The following SLC26A7 variants were observed in gnomAD, a reference collection of about 807,000 sequenced individuals.
The protein encoded by SLC26A7 is anion exchange transporter.
A neutral mutation model predicts 82.5 loss-of-function variants in SLC26A7; 59 were observed. The observed-to-expected ratio is 0.72, with a 90% CI of 0.58 to 0.89. The LOEUF (loss-of-function observed/expected upper bound fraction) is 0.89. SLC26A7 is among the 40% of genes least tolerant of loss of function. SLC26A7 has a pLI of 0.00. For synonymous variants in SLC26A7, 271 were observed against 274.3 expected (o/e 0.99, Z 0.12); for missense variants, 820 against 793.0 (o/e 1.03, Z -0.41).
In SLC26A7 at chr8:91,334,437, A is replaced by T; in HGVS notation, c.785A>T (p.Asp262Val). ...AAAATTAAAGTTGTTCTTCCTGTAG[A>T]TTTAGTTTTGGTAAGTATAAAATCA... ...KRKIKVVLPV[D>V]LVLIIAASFA... is the part of the protein sequence containing the mutation. Residue 262 changes from aspartate (D) to valine (V), a missense_variant, in exon 6 of 19, where the codon GAT (aspartate) becomes GTT (valine). By Grantham distance (152) the Asp-to-Val change is radical. Coordinates refer to ENST00000276609, the MANE Select transcript of SLC26A7 (RefSeq NM_052832.4). 1 of 1,611,276 alleles carries T rather than the reference A, an allele frequency of 6.2e-7. No individual in the cohort carries two copies. The highest frequency in any genetic ancestry group is 8.5e-7 in the Non-Finnish European group (1 of 1,178,986).
At chr8:91,342,853 G>C (rs1416367077) in intron 8 of SLC26A7, among the ~76,000 whole-genome samples, 1 of 152,168 alleles carries the variant, frequency 6.6e-6, no homozygotes, top group Non-Finnish European at 1.5e-5. Context: ...GGTTAGATGG[G>C]AAAGAACCAC....
chr8:91,394,957 G>T, intron 18 of SLC26A7, 105 bp from the exon 19 acceptor site: 1 of 1,324,416 alleles, frequency 7.6e-7, no homozygotes, highest in Non-Finnish European at 1.1e-6. Context: ...CATTTTCTTT[G>T]GCTTAGCTGG....
At chr8:91,361,699 T>C (rs1413957842) in intron 11 of SLC26A7, among the ~76,000 whole-genome samples, 1 of 152,132 alleles carries the variant, frequency 6.6e-6, no homozygotes, top group African/African-American at 2.4e-5. Context: ...TGCAATAACT[T>C]TGGTATTCCA....
intron 2 of SLC26A7, among the ~76,000 whole-genome samples, chr8:91,277,843 T>A (rs903032584): frequency 9.8e-5 from 12 of 122,712 alleles, no homozygotes; most frequent in African/African-American, 3.9e-4. Context: ...AAATAAACAA[T>A]GCTATCTTAG....
intron 4 of SLC26A7, among the ~76,000 whole-genome samples, chr8:91,310,577 A>G (rs1172137133): frequency 1.3e-5 from 2 of 152,136 alleles, no homozygotes. Flanking sequence ...CAGCTTCCCA[A>G]TAAGATCTCA....
At chr8:91,303,429 A>G (rs1485676036) in intron 4 of SLC26A7, among the ~76,000 whole-genome samples, 9 of 152,310 alleles carry the variant, frequency 5.9e-5, no homozygotes, top group East Asian at 1.9e-4. Flanking sequence ...GATTTCTGCC[A>G]TGGGGAAATC....
chr8:91,316,053 A>T (rs1812621572), intron 4 of SLC26A7, among the ~76,000 whole-genome samples: 1 of 152,190 alleles, frequency 6.6e-6, no homozygotes, highest in Non-Finnish European at 1.5e-5. Context: ...TGAGCCCATG[A>T]AAATCCACTG....
chr8:91,389,569 C>T (rs533591742), intron 16 of SLC26A7, 131 bp downstream of exon 16: 288 of 710,906 alleles, frequency 4.1e-4, no homozygotes, highest in Non-Finnish European at 6.4e-4. Context: ...TTACAAAGGA[C>T]GTAGAACTTT....
At chr8:91,324,352 T>C (rs150481565) in intron 5 of SLC26A7, among the ~76,000 whole-genome samples, 42 of 152,350 alleles carry the variant, frequency 2.8e-4, no homozygotes, top group African/African-American at 9.6e-4. Flanking sequence ...AATTTAGATC[T>C]GCTTGGAGGT....
intron 4 of SLC26A7, among the ~76,000 whole-genome samples, chr8:91,300,466 C>G (rs191167220): frequency 6.6e-6 from 1 of 151,032 alleles, no homozygotes; most frequent in Non-Finnish European, 1.5e-5. Flanking sequence ...GGCGCGATCT[C>G]GGCTCACTGC....
intron 15 of SLC26A7, among the ~76,000 whole-genome samples, chr8:91,371,054 A>G (rs369527192): frequency 2.8e-4 from 42 of 151,912 alleles, no homozygotes; most frequent in African/African-American, 1.0e-3. Context: ...GACATCTATT[A>G]CTTTAAACAT....
chr8:91,306,606 C>G (rs1489849495), intron 4 of SLC26A7, among the ~76,000 whole-genome samples: 1 of 152,072 alleles, frequency 6.6e-6, no homozygotes, highest in Non-Finnish European at 1.5e-5. Context: ...CACACAGTTT[C>G]CCCTGTTACT....
intron 2 of SLC26A7, chr8:91,219,142 G>A (rs941720712): frequency 1.9e-5 from 8 of 422,624 alleles, no homozygotes; most frequent in Non-Finnish European, 2.9e-5. Context: ...CCATTATAAC[G>A]TTCCCAATCT....
At chr8:91,349,909 T>C (rs1813667038) in intron 9 of SLC26A7, among the ~76,000 whole-genome samples, 1 of 152,224 alleles carries the variant, frequency 6.6e-6, no homozygotes, top group African/African-American at 2.4e-5. Flanking sequence ...TGAGCTGCAC[T>C]CTGACACCTA....
At chr8:91,321,738 T>G (rs982265073) in intron 5 of SLC26A7, among the ~76,000 whole-genome samples, 1 of 152,218 alleles carries the variant, frequency 6.6e-6, no homozygotes, top group African/African-American at 2.4e-5. Flanking sequence ...TATCTTTCTT[T>G]TAGTATTATG....
rs368143249 is a variant in SLC26A7, at chr8:91,243,927, A to G, written c.-33-5692A>G. ...TAAATATAAAGACATAAATAAAAGT[A>G]AAAAGATGAAAATATATCATATTAT... On this transcript the variant is annotated intron_variant, in intron 2 of 5. Transcript: ENST00000522862. Among the ~76,000 whole-genome samples the G allele has an allele frequency of 2.6e-5, 4 of 152,214 alleles. No homozygotes were observed. The East Asian group carries it at 7.7e-4, about 29-fold the overall frequency.
At chr8:91,344,674 A>G (rs917356950) in intron 9 of SLC26A7, among the ~76,000 whole-genome samples, 2 of 152,188 alleles carry the variant, frequency 1.3e-5, no homozygotes, top group African/African-American at 4.8e-5. Flanking sequence ...TAATTTGACA[A>G]ATAATTGCCA....
chr8:91,247,279 A>G (rs1227384354), upstream of SLC26A7, among the ~76,000 whole-genome samples: 1 of 152,220 alleles, frequency 6.6e-6, no homozygotes, highest in African/African-American at 2.4e-5. Context: ...GAGATATTCC[A>G]TATAGATGGT....
chr8:91,308,042 A>G (rs1051040080), intron 4 of SLC26A7, among the ~76,000 whole-genome samples: 1 of 152,072 alleles, frequency 6.6e-6, no homozygotes, highest in Non-Finnish European at 1.5e-5. Context: ...CCAGGATCCC[A>G]TCCAGGATAC....
Sources: allele counts gnomAD v4.1 joint callset (sites outside exome capture counted in the v4.1 genomes callset), GRCh38; gene constraint gnomAD v4.1.1; transcripts MANE v1.5; gene names NCBI Gene and HGNC (gene_info 2026-07-23, HGNC 2026-07-21).